Variants in NCKAP1 observed in about 807,000 individuals in gnomAD.
NCKAP1 encodes the protein NCK associated protein 1.
In NCKAP1, 21 loss-of-function variants were observed where a neutral mutation model predicts 151.2. The observed-to-expected ratio is 0.14, with a 90% confidence interval of 0.10 to 0.20. The LOEUF is 0.20. Ranked by LOEUF, NCKAP1 falls within the 10% of genes least tolerant of loss-of-function variation. The probability of loss-of-function intolerance (pLI) is 1.00; values close to 1 mark genes in which losing one functional copy is unlikely to be tolerated. For missense variants in NCKAP1, 933 were observed against 1,352.1 expected, an observed-to-expected ratio of 0.69 and a Z score of 4.86; for synonymous variants, 484 against 451.8, an observed-to-expected ratio of 1.07 and a Z score of -0.90.
rs1220987818 is a variant in NCKAP1 at position 182,910,668 on chromosome 2, T to C, written c.*15034A>G. ...TAGATGTGAAAGAGCAACCCAGAAG[T>C]TAGTCCATGTTTGGTGGAAAGGGGT... is the stretch of plus-strand genomic sequence containing the variant. On this transcript the variant is annotated 3_prime_UTR_variant, in exon 31 of 31. Coordinates refer to ENST00000361354, the MANE Select transcript of NCKAP1 (RefSeq NM_013436.5). 1 of 152,140 alleles carries C rather than the reference T, an allele frequency of 6.6e-6. No individual in the cohort carries two copies. Among genetic ancestry groups the C allele is most frequent in the East Asian group, 1.9e-4 (1 of 5,176 alleles). The allele number at this position is 152,140 out of a possible 1,614,324, so 9.4% of individuals were successfully genotyped here.
At chr2:182,986,901 C>A (rs758177603) in intron 9 of NCKAP1, among the ~76,000 whole-genome samples, 3 of 151,900 alleles carry the variant, frequency 2.0e-5, no homozygotes, top group Admixed American at 2.0e-4. Flanking sequence ...CTCAAAATTC[C>A]TAAAATGTTA....
chr2:182,999,308 C>A (rs937263461), intron 6 of NCKAP1, among the ~76,000 whole-genome samples: 3 of 152,060 alleles, frequency 2.0e-5, no homozygotes, highest in African/African-American at 7.2e-5. Flanking sequence ...AAAAATCAAA[C>A]CACCCCACTA....
rs539753242 is a variant in NCKAP1 at position 183,024,626 on chromosome 2, T to C, written c.109-710A>G. 4.6e-5 allele frequency among the ~76,000 whole-genome samples: 7 copies of C among 152,354 alleles called. No homozygotes were observed. The South Asian group carries it at 8.3e-4, about 18-fold the overall frequency. On this transcript the variant is annotated intron_variant, in intron 1 of 30. Transcript: ENST00000361354. ...CTATACAAATGTAAGGTATTATTAT[T>C]AGAAAGAACTTTCTACCTGAACTAT...
intron 15 of NCKAP1, among the ~76,000 whole-genome samples, chr2:182,975,168 A>G (rs1575041456): frequency 1.3e-5 from 2 of 152,152 alleles, no homozygotes; most frequent in African/African-American, 4.8e-5. Flanking sequence ...TTTTTTTACA[A>G]GTTCTACTTT....
chr2:182,973,392 G>A (rs1166186482), intron 15 of NCKAP1, among the ~76,000 whole-genome samples: 2 of 152,026 alleles, frequency 1.3e-5, no homozygotes, highest in African/African-American at 4.8e-5. Flanking sequence ...ATTTGAAAGA[G>A]CAACTAAAAA....
chr2:183,019,129 G>A (rs1442447948), intron 2 of NCKAP1, among the ~76,000 whole-genome samples: 2 of 152,004 alleles, frequency 1.3e-5, no homozygotes, highest in Admixed American at 6.6e-5. Flanking sequence ...CACTCTACTC[G>A]CCAGCAATGT....
chr2:182,912,233 G>A lies in NCKAP1; in HGVS notation c.*13469C>T, dbSNP rs911537342. The A allele has an allele frequency of 6.6e-6, 1 of 152,052 alleles. No individual in the cohort carries two copies. Among genetic ancestry groups the A allele is most frequent in the African/African-American group, 2.4e-5 (1 of 41,398 alleles). The allele number at this position is 152,052 out of a possible 1,614,324, so 9.4% of individuals were successfully genotyped here. A position where few individuals can be genotyped will look rare whatever the true frequency, so the allele number is the denominator to read the frequency against. ...GAGAAAAATATGCTTTTGCCTTTAA[G>A]GCAACATGTTGCCCATTACGTATTA... is the stretch of plus-strand genomic sequence containing the variant. On this transcript the variant is annotated 3_prime_UTR_variant, in exon 31 of 31. Transcript: ENST00000361354.
At chr2:182,974,480 T>G (rs1158041721) in intron 15 of NCKAP1, among the ~76,000 whole-genome samples, 2 of 152,090 alleles carry the variant, frequency 1.3e-5, no homozygotes, top group Non-Finnish European at 2.9e-5. Flanking sequence ...GAATGGGACC[T>G]AATCAAATAT....
chr2:182,997,036 G>C (rs1294368428), intron 6 of NCKAP1, among the ~76,000 whole-genome samples: 2 of 152,190 alleles, frequency 1.3e-5, no homozygotes, highest in Non-Finnish European at 2.9e-5. Flanking sequence ...TGTGTGTACA[G>C]AGATGTTCCT....
chr2:183,003,026 T>C lies in NCKAP1; in HGVS notation c.317A>G (p.His106Arg), dbSNP rs2105876212. Residue 106 changes from histidine to arginine, a missense_variant, in exon 4 of 31, where the codon CAT becomes CGT. By Grantham distance (29) the His-to-Arg change is conservative. This residue lies in a region of NCKAP1 where 607 missense variants were observed against 795.0 expected (regional missense o/e 0.76). Coordinates refer to ENST00000361354, the MANE Select transcript of NCKAP1 (RefSeq NM_013436.5). ...TFVDVMEFKD[H>R]VCELLNTIDV... Reference sequence around the variant, plus strand: ...AATAGTATTCAGCAATTCACAAACATGGTCCTGAAAAGAAATACTTATTTT... The same window carrying C: ...AATAGTATTCAGCAATTCACAAACACGGTCCTGAAAAGAAATACTTATTTT... 6.2e-7 allele frequency: 1 copy of C among 1,607,040 alleles called. No homozygotes were observed. The highest frequency in any genetic ancestry group is 8.5e-7 in the Non-Finnish European group (1 of 1,175,250).
At chr2:183,031,514 T>C (rs1699003527) in intron 1 of NCKAP1, among the ~76,000 whole-genome samples, 1 of 152,072 alleles carries the variant, frequency 6.6e-6, no homozygotes, top group Non-Finnish European at 1.5e-5. Context: ...TATCAGGCAG[T>C]AAAATAGAAT....
rs1251307975 is a variant in NCKAP1, at chr2:182,919,626, C to T, written c.*6076G>A. ...CAAGGGTGAATATGCCTTCAGAATG[C>T]AAGTGCTTTTTTTTTTTAATGTATT... On this transcript the variant is annotated 3_prime_UTR_variant, in exon 31 of 31. Coordinates refer to ENST00000361354, the MANE Select transcript of NCKAP1 (RefSeq NM_013436.5). 1 of 150,406 alleles carries T rather than the reference C, an allele frequency of 6.6e-6. No homozygotes were observed. Among genetic ancestry groups the T allele is most frequent in the Non-Finnish European group, 1.5e-5 (1 of 67,660 alleles). 9.3% of individuals were successfully genotyped at this position (150,406 alleles called of 1,614,324 possible).
chr2:182,963,182 A>G lies in NCKAP1; in HGVS notation c.1762-904T>C, dbSNP rs187156677. On this transcript the variant is annotated intron_variant, in intron 17 of 30. Coordinates refer to ENST00000361354, the MANE Select transcript of NCKAP1 (RefSeq NM_013436.5). ...AAAATGCCCTGTAAAACTTTAATAG[A>G]AAGTCAAATCAAAAAAAAGATTTAC... 1.6e-4 allele frequency among the ~76,000 whole-genome samples: 25 copies of G among 152,206 alleles called. No homozygotes were observed. The East Asian group carries it at 4.8e-3, about 29-fold the overall frequency.
In NCKAP1 at chr2:182,933,619, C is replaced by G. The variant is rs137955836; in HGVS notation, c.2859+1133G>C. Among the ~76,000 whole-genome samples the G allele has an allele frequency of 1.2e-3, 188 of 152,048 alleles. 2 individuals are homozygous for G. The highest frequency in any genetic ancestry group is 4.4e-3 in the African/African-American group (182 of 41,468). On this transcript the variant is annotated intron_variant, in intron 26 of 30. Transcript: ENST00000361354. ...TGTTGGTCGGGCTGGTCTCGAACTCCTGACCTCAAGTGATCCACCCACCTT... is the reference window on the plus strand; with the variant it reads ...TGTTGGTCGGGCTGGTCTCGAACTCGTGACCTCAAGTGATCCACCCACCTT...
rs769342833 is a variant in NCKAP1, at chr2:182,959,420, A to C, written c.1882-1824T>G. ...AGCCGGGCTTCATCCCTGGGATGCA[A>C]GGCTGGTTCAACATATGCAAATCAA... On this transcript the variant is annotated intron_variant, in intron 18 of 30. Coordinates refer to ENST00000361354, the MANE Select transcript of NCKAP1 (RefSeq NM_013436.5). Among the ~76,000 whole-genome samples, 64 of 152,194 alleles carry C rather than the reference A, an allele frequency of 4.2e-4. 2 individuals carry two copies. Among genetic ancestry groups the C allele is most frequent in the Non-Finnish European group, 1.0e-4 (7 of 68,036 alleles).
chr2:182,966,453 AT>A (rs762923708), intron 16 of NCKAP1, among the ~76,000 whole-genome samples: 68 of 151,976 alleles, frequency 4.5e-4, no homozygotes, highest in Non-Finnish European at 6.8e-4. Context: ...CGTCCGACTA[AT>A]TTTTCTATTT....
intron 2 of NCKAP1, among the ~76,000 whole-genome samples, chr2:183,014,896 A>C (rs561400011): frequency 6.6e-6 from 1 of 152,350 alleles, no homozygotes; most frequent in East Asian, 1.9e-4. Flanking sequence ...GCTACTATGA[A>C]GGGCATCAAA....
In NCKAP1 at chr2:183,026,265, C is replaced by CA. The variant is rs1176693730; in HGVS notation, c.109-2350dup. ...ACAACATAGCATGACCCTGTCTCTACAAAAAAATGTTTTAAATTAGCTTGT... is the reference window on the plus strand; with the variant it reads ...ACAACATAGCATGACCCTGTCTCTACAAAAAAAATGTTTTAAATTAGCTTGT... On this transcript the variant is annotated intron_variant, in intron 1 of 30. Transcript: ENST00000361354. Among the ~76,000 whole-genome samples, 6 of 151,820 alleles carry CA rather than the reference C, an allele frequency of 4.0e-5. No individual in the cohort carries two copies. In the South Asian group the frequency reaches 8.3e-4, roughly 21 times the overall value.
intron 1 of NCKAP1, among the ~76,000 whole-genome samples, chr2:183,028,987 G>A (rs1174112366): frequency 6.6e-6 from 1 of 151,264 alleles, no homozygotes; most frequent in Admixed American, 6.6e-5. Flanking sequence ...GGTATGGTCT[G>A]GCGCCTGTAA....
Sources: allele counts gnomAD v4.1 joint callset (sites outside exome capture counted in the v4.1 genomes callset), GRCh38; gene constraint gnomAD v4.1.1; regional missense constraint gnomAD v4.1.1; transcripts MANE v1.5; gene names NCBI Gene and HGNC (gene_info 2026-07-23, HGNC 2026-07-21).